The following CBFA2T3 variants were observed in gnomAD, a reference collection of about 807,000 sequenced individuals.
The protein encoded by CBFA2T3 is transcriptional corepressor CBFA2T3.
Under a neutral mutation model 58.6 loss-of-function variants are expected in CBFA2T3, and 31 were observed. That is an observed-to-expected ratio of 0.53 (90% CI 0.40 to 0.71). CBFA2T3 has a LOEUF of 0.71. Ranked by LOEUF, CBFA2T3 falls within the 30% of genes least tolerant of loss-of-function variation. The pLI is 0.00. For missense variants in CBFA2T3, 1,076 were observed against 963.1 expected (o/e 1.12, Z -1.55); for synonymous variants, 531 against 421.9 (o/e 1.26, Z -3.17).
chr16:88,916,471 C>CGT (rs1567606312), intron 1 of CBFA2T3, among the ~76,000 whole-genome samples: 2 of 151,086 alleles, frequency 1.3e-5, no homozygotes, highest in African/African-American at 4.9e-5. Flanking sequence ...TGTATGTGTG[C>CGT]GTGTGTATTC....
At chr16:88,877,472 C>T (rs913328170) in intron 11 of CBFA2T3, among the ~76,000 whole-genome samples, 197 bp from the exon 12 acceptor site, 2 of 152,208 alleles carry the variant, frequency 1.3e-5, no homozygotes, top group African/African-American at 2.4e-5. Context: ...ATCCCACTAC[C>T]GTGTCTCACG....
Position 88,924,576 on chromosome 16 carries a change from G to A in CBFA2T3, c.152-22920C>T, listed in dbSNP as rs548248718. Among the ~76,000 whole-genome samples, 3 of 152,284 alleles carry A rather than the reference G, an allele frequency of 2.0e-5. No homozygotes were observed. In the East Asian group the frequency reaches 5.8e-4, roughly 29 times the overall value. ...GGGCAGCTCTCGGTGCTGTGTCGTGGGGCCTCGAAGCAGCTGGAAGCAGGG... is the reference window on the plus strand; with the variant it reads ...GGGCAGCTCTCGGTGCTGTGTCGTGAGGCCTCGAAGCAGCTGGAAGCAGGG... On this transcript the variant is annotated intron_variant, in intron 1 of 11. Coordinates refer to ENST00000268679, the MANE Select transcript of CBFA2T3 (RefSeq NM_005187.6).
chr16:88,881,253 C>A (rs770291986), intron 9 of CBFA2T3, 38 bp downstream of exon 9: 20 of 1,550,224 alleles, frequency 1.3e-5, no homozygotes, highest in African/African-American at 2.7e-5. Flanking sequence ...CACCAGAGCA[C>A]CCCGTGTCTG....
chr16:88,939,306 C>G (rs1166151688), intron 1 of CBFA2T3: 1 of 152,320 alleles, frequency 6.6e-6, no homozygotes, highest in Non-Finnish European at 1.5e-5. Context: ...GGTGACAGCA[C>G]GGCCCCAGCA....
chr16:88,891,415 G>A (rs1221983795), intron 5 of CBFA2T3, among the ~76,000 whole-genome samples: 1 of 152,170 alleles, frequency 6.6e-6, no homozygotes, highest in Non-Finnish European at 1.5e-5. Context: ...CTGCAGATTT[G>A]AGAGTGGCTG....
intron 1 of CBFA2T3, among the ~76,000 whole-genome samples, chr16:88,904,149 G>A (rs1237477635): frequency 1.3e-5 from 2 of 152,202 alleles, no homozygotes; most frequent in Admixed American, 6.5e-5. Flanking sequence ...TCTGGATCCC[G>A]AAGCTAGAGC....
chr16:88,924,479 C>T (rs1018312094), intron 1 of CBFA2T3, among the ~76,000 whole-genome samples: 1 of 152,118 alleles, frequency 6.6e-6, no homozygotes, highest in African/African-American at 2.4e-5. Flanking sequence ...GAGACGGGTC[C>T]AGCAATGGGC....
At chr16:88,906,510 C>T (rs749773800) in intron 1 of CBFA2T3, among the ~76,000 whole-genome samples, 6 of 152,232 alleles carry the variant, frequency 3.9e-5, no homozygotes, top group South Asian at 2.1e-4. Context: ...AAAATAAAAT[C>T]GCACAGAGCT....
intron 11 of CBFA2T3, among the ~76,000 whole-genome samples, chr16:88,878,871 G>C (rs549533005): frequency 1.3e-5 from 2 of 152,204 alleles, no homozygotes; most frequent in African/African-American, 4.8e-5. Flanking sequence ...GCTTGAACCC[G>C]GGAGGCGGAG....
chr16:88,941,030 T>C (rs1971705912), intron 1 of CBFA2T3: 46 of 980,690 alleles, frequency 4.7e-5, no homozygotes, highest in Non-Finnish European at 5.2e-5. Context: ...GGTCGGGGGG[T>C]CCGGGGGATC....
At chr16:88,971,606 T>C (rs889328242) in intron 1 of CBFA2T3, among the ~76,000 whole-genome samples, 10 of 152,324 alleles carry the variant, frequency 6.6e-5, no homozygotes, top group African/African-American at 2.4e-4. Context: ...TGCTGAGAAC[T>C]TCATTGGCGC....
rs1969163659 is a variant in CBFA2T3, at chr16:88,882,593, T to C, written c.1203+83A>G. On this transcript the variant is annotated intron_variant, in intron 8 of 11. Transcript: ENST00000268679. ...GGCTGTGGGCGTGGCTGTGTGTGCA[T>C]GGCTGTGTGTGCGTGGCTGTGTGTG... The C allele has an allele frequency of 4.1e-6, 3 of 739,532 alleles. No individual in the cohort carries two copies. The Admixed American group carries it at 7.0e-5, about 17-fold the overall frequency. 45.8% of individuals were successfully genotyped at this position (739,532 alleles called of 1,614,324 possible). A position where few individuals can be genotyped will look rare whatever the true frequency, so the allele number is the denominator to read the frequency against.
intron 1 of CBFA2T3, among the ~76,000 whole-genome samples, chr16:88,927,319 C>G (rs867146739): frequency 6.6e-6 from 1 of 152,230 alleles, no homozygotes; most frequent in Non-Finnish European, 1.5e-5. Flanking sequence ...CTGATGCCCC[C>G]GCTGAGGTGA....
At chr16:88,925,045 G>A (rs529914404) in intron 1 of CBFA2T3, among the ~76,000 whole-genome samples, 38 of 152,354 alleles carry the variant, frequency 2.5e-4, no homozygotes, top group African/African-American at 8.7e-4. Context: ...TCTCAGCTCT[G>A]CACCAGCCCA....
At chr16:88,891,781 G>A (rs1969640683) in intron 5 of CBFA2T3, 101 bp downstream of exon 5, 2 of 798,246 alleles carry the variant, frequency 2.5e-6, no homozygotes, top group Non-Finnish European at 4.2e-6. Context: ...GGCCACTTAA[G>A]CCCCTTCCCG....
rs534889930 is a variant in CBFA2T3 at position 88,880,840 on chromosome 16, A to G, written c.1403-52T>C. Reference sequence around the variant, plus strand: ...GATGGGCCACGCGGCTGCCCCTCCCACGCTGGGGCCCTCCCCACCCTGGCT... The same window carrying G: ...GATGGGCCACGCGGCTGCCCCTCCCGCGCTGGGGCCCTCCCCACCCTGGCT... On this transcript the variant is annotated intron_variant, in intron 9 of 11. Transcript: ENST00000268679. The G allele has an allele frequency of 6.3e-5, 93 of 1,471,264 alleles. 4 individuals carry two copies. In the South Asian group the frequency reaches 1.1e-3, roughly 17 times the overall value. 91.1% of individuals were successfully genotyped at this position (1,471,264 alleles called of 1,614,324 possible). A position where few individuals can be genotyped will look rare whatever the true frequency, so the allele number is the denominator to read the frequency against.
At chr16:88,917,918 G>A (rs1374922305) in intron 1 of CBFA2T3, among the ~76,000 whole-genome samples, 3 of 152,152 alleles carry the variant, frequency 2.0e-5, no homozygotes, top group African/African-American at 4.8e-5. Flanking sequence ...CTGTCCCTCC[G>A]GGGTGCGTGG....
At chr16:88,925,068 T>C (rs112999972) in intron 1 of CBFA2T3, among the ~76,000 whole-genome samples, 2,638 of 152,202 alleles carry the variant, frequency 0.017, 81 homozygotes, top group African/African-American at 0.06. Flanking sequence ...GGGGAAGCAG[T>C]GGAGAGAGAG....
At chr16:88,961,552 T>C (rs1745029601) in intron 1 of CBFA2T3, among the ~76,000 whole-genome samples, 1 of 137,218 alleles carries the variant, frequency 7.3e-6, no homozygotes, top group African/African-American at 2.8e-5. Context: ...GCACTGGGCA[T>C]TCCCACTCCA....
Sources: allele counts gnomAD v4.1 joint callset (sites outside exome capture counted in the v4.1 genomes callset), GRCh38; gene constraint gnomAD v4.1.1; transcripts MANE v1.5; gene names NCBI Gene and HGNC (gene_info 2026-07-23, HGNC 2026-07-21).